UVRAG: variants seen among roughly 807,000 people sequenced by gnomAD.
The protein encoded by UVRAG is UV radiation resistance associated, also known as UV radiation resistance-associated gene protein.
In UVRAG, 19 loss-of-function variants were observed where a neutral mutation model predicts 78.0. The ratio of observed to expected loss-of-function variants is 0.24; its 90% CI spans 0.17 to 0.36. UVRAG has a LOEUF of 0.36. Among genes scored for constraint, UVRAG ranks in the 10% least tolerant of loss-of-function variants. The pLI is 1.00. For synonymous variants in UVRAG, 323 were observed against 324.6 expected, an observed-to-expected ratio of 1.00 and a Z score of 0.05; for missense variants, 740 against 853.8, an observed-to-expected ratio of 0.87 and a Z score of 1.66.
chr11:76,033,318 A>G (rs1950471205), intron 12 of UVRAG, among the ~76,000 whole-genome samples: 1 of 152,206 alleles, frequency 6.6e-6, no homozygotes, highest in Non-Finnish European at 1.5e-5. Context: ...ATATAAAATG[A>G]CCTTTGCATA....
At chr11:76,121,703 G>C (rs927686510) in intron 14 of UVRAG, among the ~76,000 whole-genome samples, 8 of 152,112 alleles carry the variant, frequency 5.3e-5, no homozygotes, top group African/African-American at 9.7e-5. Context: ...AGACCCCCAG[G>C]CATAGCACTC....
chr11:76,088,629 C>G (rs1039393635), intron 13 of UVRAG, among the ~76,000 whole-genome samples: 2 of 152,068 alleles, frequency 1.3e-5, no homozygotes, highest in Non-Finnish European at 2.9e-5. Context: ...GCCCTTTATG[C>G]CAGGAAAGCT....
At chr11:76,024,243 T>G (rs372145004) in intron 12 of UVRAG, among the ~76,000 whole-genome samples, 43 of 152,320 alleles carry the variant, frequency 2.8e-4, no homozygotes, top group African/African-American at 1.0e-3. Context: ...CACTTTAATT[T>G]GTGAAGTAGC....
At chr11:76,045,630 G>A (rs594826) in intron 12 of UVRAG, among the ~76,000 whole-genome samples, 8,464 of 150,086 alleles carry the variant, frequency 0.056, 371 homozygotes, top group East Asian at 0.22. Flanking sequence ...AAGATGAAGC[G>A]TGGCAAATTA....
intron 3 of UVRAG, among the ~76,000 whole-genome samples, chr11:75,878,726 CGGCGCGCGCCT>C (rs1437804270): frequency 6.6e-6 from 1 of 152,136 alleles, no homozygotes; most frequent in African/African-American, 2.4e-5. Context: ...TCAGGCGTGG[CGGCGCGCGCCT>C]GCAATCGCAG....
chr11:75,858,211 A>T (rs1189586356), intron 2 of UVRAG, among the ~76,000 whole-genome samples: 1 of 151,864 alleles, frequency 6.6e-6, no homozygotes, highest in Non-Finnish European at 1.5e-5. Flanking sequence ...CCTCCCTTTC[A>T]CCAGCCTTCT....
intron 5 of UVRAG, among the ~76,000 whole-genome samples, chr11:75,904,932 G>A (rs1947583892): frequency 2.0e-5 from 3 of 152,092 alleles, no homozygotes; most frequent in East Asian, 1.9e-4. Context: ...CTGAGGCCTA[G>A]GAGAGTTAAA....
rs373265487 is a variant in UVRAG, at chr11:76,126,237, G to A, written c.1397+10222G>A. On this transcript the variant is annotated intron_variant, in intron 14 of 14. Coordinates refer to ENST00000356136, the MANE Select transcript of UVRAG (RefSeq NM_003369.4). ...ATTACAGGCGTGAGCCACCATGCCCGGCCTGGCAGTCACATTTTTAAAAAG... is the reference window on the plus strand; with the variant it reads ...ATTACAGGCGTGAGCCACCATGCCCAGCCTGGCAGTCACATTTTTAAAAAG... Among the ~76,000 whole-genome samples, 18 of 151,560 alleles carry A rather than the reference G, an allele frequency of 1.2e-4. No individual in the cohort carries two copies. In the East Asian group the frequency reaches 2.9e-3, roughly 25 times the overall value.
intron 6 of UVRAG, among the ~76,000 whole-genome samples, chr11:75,938,494 T>G (rs901747678): frequency 6.6e-6 from 1 of 152,212 alleles, no homozygotes; most frequent in Non-Finnish European, 1.5e-5. Flanking sequence ...CACAGTTATG[T>G]TATTTGGAAA....
chr11:76,097,302 T>C (rs1364017606), intron 13 of UVRAG, among the ~76,000 whole-genome samples: 2 of 152,122 alleles, frequency 1.3e-5, no homozygotes, highest in Non-Finnish European at 2.9e-5. Context: ...CCTACATTAC[T>C]CTCTCTCCTC....
intron 4 of UVRAG, among the ~76,000 whole-genome samples, chr11:75,888,506 A>C (rs924919134): frequency 6.6e-6 from 1 of 152,224 alleles, no homozygotes; most frequent in Admixed American, 6.5e-5. Context: ...TTGGGGTTAG[A>C]GAGGGTAGAA....
intron 3 of UVRAG, among the ~76,000 whole-genome samples, chr11:75,879,639 A>G: frequency 6.6e-6 from 1 of 152,220 alleles, no homozygotes; most frequent in Non-Finnish European, 1.5e-5. Flanking sequence ...GAAACCATGT[A>G]AGTGAGTGAT....
At chr11:75,917,555 T>G (rs920300413) in intron 6 of UVRAG, among the ~76,000 whole-genome samples, 1 of 152,214 alleles carries the variant, frequency 6.6e-6, no homozygotes, top group Admixed American at 6.5e-5. Flanking sequence ...CTCTTCAATC[T>G]ATATCTCTAG....
chr11:76,019,914 A>G (rs1950211916), intron 12 of UVRAG, among the ~76,000 whole-genome samples: 2 of 152,180 alleles, frequency 1.3e-5, no homozygotes, highest in African/African-American at 4.8e-5. Flanking sequence ...CCTTCCCTTC[A>G]GGGCAGCAAG....
At chr11:76,044,749 A>AAG (rs915580405) in intron 12 of UVRAG, among the ~76,000 whole-genome samples, 2 of 152,184 alleles carry the variant, frequency 1.3e-5, no homozygotes, top group African/African-American at 4.8e-5. Flanking sequence ...ACTCCAGCCT[A>AAG]GGCTACGGAG....
intron 14 of UVRAG, 33 bp from the exon 15 acceptor site, chr11:76,140,678 C>A (rs1308489059): frequency 6.5e-7 from 1 of 1,535,080 alleles, no homozygotes; most frequent in Non-Finnish European, 8.7e-7. Flanking sequence ...TTCTGAAGTC[C>A]AAAGTAACTT....
intron 6 of UVRAG, among the ~76,000 whole-genome samples, chr11:75,935,599 T>A (rs1948356022): frequency 6.6e-6 from 1 of 152,224 alleles, no homozygotes; most frequent in Admixed American, 6.5e-5. Context: ...TGGTTTGGGA[T>A]ACTGCTACCT....
At chr11:76,119,171 C>T (rs1591258303) in intron 14 of UVRAG, among the ~76,000 whole-genome samples, 1 of 152,316 alleles carries the variant, frequency 6.6e-6, no homozygotes, top group East Asian at 1.9e-4. Flanking sequence ...TCATCCTTAT[C>T]CTGTTCAGTG....
chr11:75,816,030 T>A (rs1487170642), intron 1 of UVRAG, among the ~76,000 whole-genome samples: 1 of 152,228 alleles, frequency 6.6e-6, no homozygotes, highest in African/African-American at 2.4e-5. Context: ...TGCTTTAATC[T>A]CCCCTGATTA....
Sources: gnomAD v4.1 joint callset for allele counts (sites outside exome capture counted in the v4.1 genomes callset) on GRCh38, gnomAD v4.1.1 for gene constraint, MANE v1.5 for transcripts, NCBI Gene and HGNC (gene_info 2026-07-23, HGNC 2026-07-21) for gene names.